Variants in NEDD4L observed in about 807,000 individuals in gnomAD.
The protein encoded by NEDD4L is E3 ubiquitin-protein ligase NEDD4-like.
A neutral mutation model predicts 148.9 loss-of-function variants in NEDD4L; 54 were observed. The observed-to-expected ratio is 0.36, with a 90% confidence interval of 0.29 to 0.45. NEDD4L has a LOEUF of 0.45. Ranked by LOEUF, NEDD4L falls within the 20% of genes least tolerant of loss-of-function variation. NEDD4L has a pLI of 1.00. For missense variants in NEDD4L, 856 were observed against 1,233.8 expected (o/e 0.69, Z 4.59); for synonymous variants, 433 against 440.7 (o/e 0.98, Z 0.22).
At chr18:58,233,487 C>T (rs1483320555) in intron 2 of NEDD4L, among the ~76,000 whole-genome samples, 1 of 152,204 alleles carries the variant, frequency 6.6e-6, no homozygotes. Context: ...TTCACTATCA[C>T]AAGAATGGGG....
chr18:58,255,893 C>G (rs1437063791), intron 5 of NEDD4L: 1 of 1,232,012 alleles, frequency 8.1e-7, no homozygotes, highest in Non-Finnish European at 1.0e-6. Context: ...CGACGCCCGC[C>G]CCACGTGCAG....
chr18:58,368,421 C>T (rs1341307369), intron 22 of NEDD4L, among the ~76,000 whole-genome samples: 8 of 152,086 alleles, frequency 5.3e-5, no homozygotes, highest in Admixed American at 3.9e-4. Flanking sequence ...CTCTACCTGG[C>T]GGTATCTATA....
At chr18:58,126,096 G>A (rs572338613) in intron 1 of NEDD4L, among the ~76,000 whole-genome samples, 1 of 152,218 alleles carries the variant, frequency 6.6e-6, no homozygotes. Context: ...CGAGAGGCCT[G>A]AACACTCCAG....
chr18:58,178,118 C>CT (rs1254030430), intron 2 of NEDD4L, among the ~76,000 whole-genome samples: 1 of 152,142 alleles, frequency 6.6e-6, no homozygotes, highest in Non-Finnish European at 1.5e-5. Flanking sequence ...CTGCCAACCT[C>CT]TGATGTTATA....
intron 1 of NEDD4L, among the ~76,000 whole-genome samples, chr18:58,125,613 C>G (rs1477116633): frequency 6.6e-6 from 1 of 152,158 alleles, no homozygotes; most frequent in Non-Finnish European, 1.5e-5. Context: ...GCCAGCCTCT[C>G]CACTCTCTTC....
At chr18:58,382,156 G>T (rs1387222095) in intron 24 of NEDD4L, among the ~76,000 whole-genome samples, 1 of 152,268 alleles carries the variant, frequency 6.6e-6, no homozygotes, top group Admixed American at 6.5e-5. Context: ...AGCCATCTCA[G>T]TGTGAATGGG....
At chr18:58,335,593 A>G in intron 13 of NEDD4L, 56 bp downstream of exon 13, 1 of 1,348,084 alleles carries the variant, frequency 7.4e-7, no homozygotes, top group Non-Finnish European at 1.1e-6. Flanking sequence ...CAGTTTTAAT[A>G]TTTCGTGTAG....
At chr18:58,067,531 C>T (rs912807284) in intron 1 of NEDD4L, among the ~76,000 whole-genome samples, 5 of 151,986 alleles carry the variant, frequency 3.3e-5, no homozygotes, top group African/African-American at 9.7e-5. Flanking sequence ...GTGTGGGGGG[C>T]CTGCGAGGAC....
intron 5 of NEDD4L, among the ~76,000 whole-genome samples, chr18:58,299,849 A>C (rs140465109): frequency 2.0e-5 from 3 of 152,174 alleles, no homozygotes; most frequent in African/African-American, 7.2e-5. Context: ...GTAAGGCTCA[A>C]ATTTATGATT....
At chr18:58,053,974 G>A (rs185193863) in intron 1 of NEDD4L, among the ~76,000 whole-genome samples, 22 of 152,320 alleles carry the variant, frequency 1.4e-4, no homozygotes, top group African/African-American at 3.1e-4. Flanking sequence ...TGAGGAGGCC[G>A]GTGAGGGCAG....
chr18:58,380,350 G>T (rs1023735953), intron 24 of NEDD4L, among the ~76,000 whole-genome samples: 2 of 145,244 alleles, frequency 1.4e-5, no homozygotes, highest in South Asian at 2.1e-4. Context: ...ATGGAGTCTC[G>T]CTCTGTTGCC....
chr18:58,299,503 A>G (rs2056167116), intron 5 of NEDD4L, among the ~76,000 whole-genome samples: 1 of 152,196 alleles, frequency 6.6e-6, no homozygotes, highest in Non-Finnish European at 1.5e-5. Context: ...ATTTTTTAGT[A>G]CCTTTGTGTA....
chr18:58,327,807 A>G (rs552832760), intron 9 of NEDD4L, among the ~76,000 whole-genome samples: 2 of 152,168 alleles, frequency 1.3e-5, no homozygotes, highest in Admixed American at 6.5e-5. Flanking sequence ...TGTTAATGGG[A>G]TATGTTATCT....
intron 2 of NEDD4L, among the ~76,000 whole-genome samples, chr18:58,187,265 A>C (rs2039579171): frequency 6.6e-6 from 1 of 152,220 alleles, no homozygotes; most frequent in East Asian, 1.9e-4. Context: ...CTTTGTGACA[A>C]CCTGACAAGT....
intron 19 of NEDD4L, among the ~76,000 whole-genome samples, chr18:58,363,150 G>T (rs990822591): frequency 1.3e-5 from 2 of 151,702 alleles, no homozygotes; most frequent in African/African-American, 4.9e-5. Flanking sequence ...TCATTTTCTG[G>T]AAGAGTGGTT....
At chr18:58,165,962 C>T in intron 2 of NEDD4L, 101 bp downstream of exon 2, 1 of 960,568 alleles carries the variant, frequency 1.0e-6, no homozygotes, top group African/African-American at 1.6e-5. Flanking sequence ...CTTCTTAAGA[C>T]AAAGCTGGCT....
intron 30 of NEDD4L, among the ~76,000 whole-genome samples, chr18:58,393,195 C>CT (rs2050053547): frequency 6.6e-6 from 1 of 152,200 alleles, no homozygotes; most frequent in African/African-American, 2.4e-5. Flanking sequence ...ATTGAACTGT[C>CT]TTTTTTATTT....
At chr18:58,133,444 GTTA>G (rs1391940406) in intron 1 of NEDD4L, among the ~76,000 whole-genome samples, 2 of 152,162 alleles carry the variant, frequency 1.3e-5, no homozygotes, top group Non-Finnish European at 2.9e-5. Context: ...CTTGTGCATA[GTTA>G]TTATGCCAGA....
chr18:58,171,618 G>A (rs945294632), intron 2 of NEDD4L, among the ~76,000 whole-genome samples: 1 of 152,252 alleles, frequency 6.6e-6, no homozygotes, highest in Non-Finnish European at 1.5e-5. Flanking sequence ...CAGTTGCCTG[G>A]TAAACTGCCT....
Sources: gnomAD v4.1 joint callset for allele counts (sites outside exome capture counted in the v4.1 genomes callset) on GRCh38, gnomAD v4.1.1 for gene constraint, MANE v1.5 for transcripts, NCBI Gene and HGNC (gene_info 2026-07-23, HGNC 2026-07-21) for gene names.